The following LONP2 variants were observed in gnomAD, a reference collection of about 807,000 sequenced individuals.
The protein encoded by LONP2 is lon peptidase 2, peroxisomal.
A neutral mutation model predicts 85.6 loss-of-function variants in LONP2; 60 were observed. That is an observed-to-expected ratio of 0.70 (90% CI 0.57 to 0.87). LONP2 has a LOEUF of 0.87. LONP2 is among the 40% of genes least tolerant of loss of function. The probability of loss-of-function intolerance (pLI) is 0.00; values close to 1 mark genes in which losing one functional copy is unlikely to be tolerated. For synonymous variants in LONP2, 395 were observed against 389.7 expected (o/e 1.01, Z -0.16); for missense variants, 860 against 1,063.5 (o/e 0.81, Z 2.66).
chr16:48,261,155 G>A (rs1362029636), intron 4 of LONP2, among the ~76,000 whole-genome samples: 1 of 152,106 alleles, frequency 6.6e-6, no homozygotes, highest in Non-Finnish European at 1.5e-5. Flanking sequence ...CTAGTATCCA[G>A]TTCCTTGAAA....
intron 11 of LONP2, among the ~76,000 whole-genome samples, chr16:48,333,033 CAA>C (rs1486273478): frequency 6.6e-6 from 1 of 152,058 alleles, no homozygotes; most frequent in Non-Finnish European, 1.5e-5. Flanking sequence ...GATTTTAAAA[CAA>C]AACACTTCAT....
At chr16:48,265,459 T>C (rs1443423173) in intron 6 of LONP2, among the ~76,000 whole-genome samples, 1 of 152,216 alleles carries the variant, frequency 6.6e-6, no homozygotes, top group Non-Finnish European at 1.5e-5. Flanking sequence ...CCCACAACAT[T>C]TTCTTGAAGA....
chr16:48,300,592 C>T (rs1182329605), intron 10 of LONP2, among the ~76,000 whole-genome samples: 1 of 152,190 alleles, frequency 6.6e-6, no homozygotes, highest in African/African-American at 2.4e-5. Flanking sequence ...TTTGAAGTAT[C>T]TCTCTATTTT....
intron 1 of LONP2, among the ~76,000 whole-genome samples, chr16:48,250,150 A>G (rs1447993237): frequency 6.7e-6 from 1 of 149,566 alleles, no homozygotes; most frequent in Non-Finnish European, 1.5e-5. Context: ...AGATCACGCC[A>G]TTGTACGTCA....
intron 6 of LONP2, among the ~76,000 whole-genome samples, chr16:48,267,647 G>T (rs768589105): frequency 6.6e-6 from 1 of 151,914 alleles, no homozygotes; most frequent in Non-Finnish European, 1.5e-5. Flanking sequence ...ATGGTGTCTT[G>T]CCCTGTCGGC....
chr16:48,269,988 T>C (rs776085174), intron 6 of LONP2, 28 bp from the exon 7 acceptor site: 1 of 1,588,366 alleles, frequency 6.3e-7, no homozygotes, highest in African/African-American at 1.4e-5. Flanking sequence ...TTATGTGTTC[T>C]AATTATTTCT....
chr16:48,315,910 AT>A (rs988871583), intron 11 of LONP2, among the ~76,000 whole-genome samples: 1 of 112,674 alleles, frequency 8.9e-6, no homozygotes, highest in African/African-American at 3.4e-5. Context: ...GCTTTCTTCT[AT>A]TTTTTTGTGG....
intron 2 of LONP2, 137 bp from the exon 3 acceptor site, chr16:48,256,473 A>G (rs1367663570): frequency 4.9e-6 from 4 of 811,388 alleles, no homozygotes; most frequent in Non-Finnish European, 7.9e-6. Context: ...CCTGTAAAAT[A>G]CGTGGACTAT....
intron 2 of LONP2, 21 bp from the exon 3 acceptor site, chr16:48,256,589 G>C: frequency 6.2e-7 from 1 of 1,606,762 alleles, no homozygotes; most frequent in Non-Finnish European, 8.5e-7. Flanking sequence ...TCATTTAAAA[G>C]ACTTTTTTTC....
At chr16:48,297,307 T>C (rs1236828819) in intron 9 of LONP2, among the ~76,000 whole-genome samples, 1 of 151,856 alleles carries the variant, frequency 6.6e-6, no homozygotes, top group Admixed American at 6.6e-5. Context: ...CTAAATGTCT[T>C]TTACTTATTT....
Position 48,351,567 on chromosome 16 carries a change from T to C in LONP2, c.2338-14T>C, listed in dbSNP as rs749571111. On this transcript the variant is annotated splice_polypyrimidine_tract_variant and intron_variant, in intron 14 of 14. Transcript: ENST00000285737. ...GTGATCATTAACCCTAAAAACTTTTTTCTCTCCTTACAGGTGGGTGGAATT... is the reference window on the plus strand; with the variant it reads ...GTGATCATTAACCCTAAAAACTTTTCTCTCTCCTTACAGGTGGGTGGAATT... The C allele has an allele frequency of 8.7e-6, 14 of 1,608,150 alleles. No individual in the cohort carries two copies. Among genetic ancestry groups the C allele is most frequent in the Non-Finnish European group, 1.0e-5 (12 of 1,176,600 alleles).
At chr16:48,285,430 C>T (rs1972419273) in intron 8 of LONP2, among the ~76,000 whole-genome samples, 1 of 151,258 alleles carries the variant, frequency 6.6e-6, no homozygotes, top group East Asian at 1.9e-4. Flanking sequence ...TCTTTATGCC[C>T]CTTTCTTTTT....
At chr16:48,264,781 A>G (rs1298969331) in intron 6 of LONP2, among the ~76,000 whole-genome samples, 1 of 152,232 alleles carries the variant, frequency 6.6e-6, no homozygotes, top group African/African-American at 2.4e-5. Context: ...TGGGGAACTA[A>G]TAAATGTCCA....
intron 10 of LONP2, 112 bp from the exon 11 acceptor site, chr16:48,303,060 G>C: frequency 9.0e-7 from 1 of 1,107,432 alleles, no homozygotes; most frequent in Non-Finnish European, 1.3e-6. Flanking sequence ...ACTCAAGAAA[G>C]GGTAATGAAC....
chr16:48,299,573 C>T (rs1187228776), intron 9 of LONP2, 89 bp from the exon 10 acceptor site: 2 of 1,421,348 alleles, frequency 1.4e-6, no homozygotes, highest in East Asian at 4.6e-5. Flanking sequence ...CAGAGCAAGA[C>T]TCTGTCTCTA....
intron 12 of LONP2, 166 bp downstream of exon 12, chr16:48,334,524 A>C: frequency 1.2e-6 from 1 of 814,184 alleles, no homozygotes; most frequent in Non-Finnish European, 2.1e-6. Context: ...CACTTCTTGC[A>C]GCAGTTGACT....
At chr16:48,299,593 A>C (rs1268551897) in intron 9 of LONP2, 69 bp from the exon 10 acceptor site, 32 of 1,538,150 alleles carry the variant, frequency 2.1e-5, no homozygotes, top group Non-Finnish European at 2.7e-5. Context: ...AAAAAAAAAA[A>C]CAAAAAACAA....
intron 11 of LONP2, among the ~76,000 whole-genome samples, chr16:48,311,163 T>C (rs1973022089): frequency 6.6e-6 from 1 of 152,132 alleles, no homozygotes; most frequent in Non-Finnish European, 1.5e-5. Flanking sequence ...TTGGCTGGAG[T>C]TTGTTGAGCG....
intron 11 of LONP2, among the ~76,000 whole-genome samples, chr16:48,310,983 C>G (rs1361887118): frequency 6.6e-6 from 1 of 152,088 alleles, no homozygotes; most frequent in African/African-American, 2.4e-5. Context: ...AAATAGAATC[C>G]CCGTCTCTTC....
Sources: gnomAD v4.1 joint callset for allele counts (sites outside exome capture counted in the v4.1 genomes callset) on GRCh38, gnomAD v4.1.1 for gene constraint, MANE v1.5 for transcripts, NCBI Gene and HGNC (gene_info 2026-07-23, HGNC 2026-07-21) for gene names.